The following AGBL4 variants were observed in gnomAD, a reference collection of about 807,000 sequenced individuals.
The protein encoded by AGBL4 is AGBL carboxypeptidase 4.
Under a neutral mutation model 66.4 loss-of-function variants are expected in AGBL4, and 58 were observed. The ratio of observed to expected loss-of-function variants is 0.87; its 90% CI spans 0.71 to 1.09. AGBL4 has a LOEUF of 1.09. Ranked by LOEUF, AGBL4 falls within the 50% of genes least tolerant of loss-of-function variation. The probability of loss-of-function intolerance (pLI) is 0.00; values close to 1 mark genes in which losing one functional copy is unlikely to be tolerated. For synonymous variants in AGBL4, 234 were observed against 222.9 expected, an observed-to-expected ratio of 1.05 and a Z score of -0.44; for missense variants, 579 against 631.0, an observed-to-expected ratio of 0.92 and a Z score of 0.88.
At position 49,550,253 on chromosome 1, in the gene AGBL4, A is replaced by T. The variant is rs1285271926; in HGVS notation, c.282+147060T>A. On this transcript the variant is annotated intron_variant, in intron 3 of 13. Transcript: ENST00000371839. ...ATTCAGAAGTTCTGTATCTTTTAAG[A>T]GGAACATTTAGGCCATTTACATTCA... 4.6e-5 allele frequency among the ~76,000 whole-genome samples: 7 copies of T among 152,326 alleles called. No homozygotes were observed. In the East Asian group the frequency reaches 1.4e-3, roughly 29 times the overall value.
At chr1:49,226,720 A>G (rs1445818278) in intron 4 of AGBL4, among the ~76,000 whole-genome samples, 1 of 152,208 alleles carries the variant, frequency 6.6e-6, no homozygotes, top group Non-Finnish European at 1.5e-5. Context: ...CAAACTCCTT[A>G]GGTCCCCTTT....
At chr1:48,637,477 G>A (rs184886737) in intron 8 of AGBL4, among the ~76,000 whole-genome samples, 19 of 152,246 alleles carry the variant, frequency 1.2e-4, no homozygotes, top group South Asian at 2.1e-4. Flanking sequence ...ATTTTGCCCC[G>A]TCTCCCTCCA....
chr1:49,157,020 G>A (rs1259769480), intron 4 of AGBL4, among the ~76,000 whole-genome samples: 1 of 152,020 alleles, frequency 6.6e-6, no homozygotes, highest in Non-Finnish European at 1.5e-5. Flanking sequence ...TTCAAGTGGG[G>A]GTTAACTATA....
At chr1:49,183,048 T>G (rs1355633527) in intron 4 of AGBL4, among the ~76,000 whole-genome samples, 1 of 152,148 alleles carries the variant, frequency 6.6e-6, no homozygotes, top group East Asian at 1.9e-4. Flanking sequence ...TGTCTTCTAT[T>G]CTACTAAAAA....
intron 4 of AGBL4, among the ~76,000 whole-genome samples, chr1:49,135,208 A>G (rs1645986014): frequency 6.6e-6 from 1 of 152,126 alleles, no homozygotes; most frequent in Non-Finnish European, 1.5e-5. Flanking sequence ...ATTTGTTGTC[A>G]TTAAAATTAT....
At chr1:48,818,054 C>G (rs1396967453) in intron 6 of AGBL4, 2 of 710,760 alleles carry the variant, frequency 2.8e-6, no homozygotes, top group Non-Finnish European at 5.2e-6. Flanking sequence ...ATCTGATAGT[C>G]AAATTTGGAA....
intron 6 of AGBL4, among the ~76,000 whole-genome samples, chr1:48,664,695 G>A (rs1184721838): frequency 6.6e-6 from 1 of 152,180 alleles, no homozygotes; most frequent in Non-Finnish European, 1.5e-5. Context: ...AGCTCTTTTT[G>A]TCTCTGCAGA....
At chr1:48,902,728 C>A (rs1461572753) in intron 5 of AGBL4, among the ~76,000 whole-genome samples, 1 of 152,062 alleles carries the variant, frequency 6.6e-6, no homozygotes, top group Non-Finnish European at 1.5e-5. Context: ...TGGTACAAAG[C>A]TTCTTCCCTA....
chr1:49,896,232 A>T (rs1259482219), intron 1 of AGBL4, among the ~76,000 whole-genome samples: 1 of 152,120 alleles, frequency 6.6e-6, no homozygotes, highest in Non-Finnish European at 1.5e-5. Flanking sequence ...CCAGATATAT[A>T]AAGCAAATAT....
At chr1:49,011,864 C>T (rs1662448181) in intron 5 of AGBL4, among the ~76,000 whole-genome samples, 1 of 104,538 alleles carries the variant, frequency 9.6e-6, no homozygotes, top group Non-Finnish European at 1.8e-5. Flanking sequence ...GGGAACATCA[C>T]ACTCTGGGGA....
chr1:48,968,208 G>T (rs1411096791), intron 5 of AGBL4, among the ~76,000 whole-genome samples: 1 of 152,084 alleles, frequency 6.6e-6, no homozygotes, highest in Non-Finnish European at 1.5e-5. Context: ...AAACCGAAGT[G>T]CTAGAGCAGA....
At chr1:48,546,117 G>T (rs1644154348) in intron 11 of AGBL4, among the ~76,000 whole-genome samples, 1 of 152,106 alleles carries the variant, frequency 6.6e-6, no homozygotes, top group Admixed American at 6.6e-5. Flanking sequence ...AGTTTACTCC[G>T]CAATGCATAC....
chr1:49,025,806 G>A (rs538550921), intron 5 of AGBL4: 1 of 152,190 alleles, frequency 6.6e-6, no homozygotes, highest in South Asian at 2.1e-4. Flanking sequence ...AAAATAATAA[G>A]TGGGCTGTGG....
At chr1:49,441,585 C>T (rs867875850) in intron 3 of AGBL4, among the ~76,000 whole-genome samples, 6 of 152,130 alleles carry the variant, frequency 3.9e-5, no homozygotes, top group East Asian at 1.9e-4. Context: ...ATACCCTTGA[C>T]GAATGCCTTG....
intron 1 of AGBL4, among the ~76,000 whole-genome samples, chr1:49,916,592 C>T (rs929303715): frequency 7.9e-5 from 12 of 152,144 alleles, no homozygotes; most frequent in African/African-American, 2.9e-4. Context: ...TGTGAAAACA[C>T]CAAATCTACG....
intron 3 of AGBL4, among the ~76,000 whole-genome samples, chr1:49,370,144 AT>A: frequency 1.0e-5 from 1 of 100,010 alleles, no homozygotes; most frequent in East Asian, 2.1e-4. Flanking sequence ...AATTATAATA[AT>A]TATATATATA....
intron 3 of AGBL4, among the ~76,000 whole-genome samples, chr1:49,639,829 A>G (rs2124399300): frequency 6.6e-6 from 1 of 152,334 alleles, no homozygotes. Context: ...TTTTAACAAT[A>G]TAATTTGAAT....
intron 6 of AGBL4, among the ~76,000 whole-genome samples, chr1:48,715,141 G>A (rs1647029285): frequency 6.6e-6 from 1 of 152,112 alleles, no homozygotes; most frequent in African/African-American, 2.4e-5. Context: ...AGTGGGGGTA[G>A]CCTGAGGACT....
intron 3 of AGBL4, among the ~76,000 whole-genome samples, chr1:49,544,253 A>G (rs1239688461): frequency 6.6e-6 from 1 of 152,148 alleles, no homozygotes; most frequent in Non-Finnish European, 1.5e-5. Flanking sequence ...AACTGAACCC[A>G]CCTGTTGTAT....
Sources: gnomAD v4.1 joint callset for allele counts (sites outside exome capture counted in the v4.1 genomes callset) on GRCh38, gnomAD v4.1.1 for gene constraint, MANE v1.5 for transcripts, NCBI Gene and HGNC (gene_info 2026-07-23, HGNC 2026-07-21) for gene names.